The following CSMD1 variants were observed in gnomAD, a reference collection of about 807,000 sequenced individuals.
The protein encoded by CSMD1 is CUB and sushi domain-containing protein 1.
Under a neutral mutation model 417.5 loss-of-function variants are expected in CSMD1, and 213 were observed. The observed-to-expected ratio is 0.51, with a 90% CI of 0.46 to 0.57. The LOEUF is 0.57. Ranked by LOEUF, CSMD1 falls within the 20% of genes least tolerant of loss-of-function variation. The pLI is 0.00. For synonymous variants in CSMD1, 2,862 were observed against 1,736.8 expected (o/e 1.65, Z -16.11); for missense variants, 6,923 against 4,529.7 (o/e 1.53, Z -15.17).
chr8:3,736,644 G>A (rs1796534057), intron 6 of CSMD1, among the ~76,000 whole-genome samples: 1 of 152,150 alleles, frequency 6.6e-6, no homozygotes, highest in South Asian at 2.1e-4. Context: ...CATGCCCCAG[G>A]TCTTCCATCA....
chr8:4,306,668 T>C (rs4875321), intron 3 of CSMD1, among the ~76,000 whole-genome samples: 21,833 of 152,004 alleles, frequency 0.14, 1,585 homozygotes, highest in Non-Finnish European at 0.16. Context: ...ATGTAGGTGA[T>C]TGTACAATTC....
intron 1 of CSMD1, among the ~76,000 whole-genome samples, chr8:4,776,248 A>G (rs569824699): frequency 6.6e-6 from 1 of 152,290 alleles, no homozygotes; most frequent in African/African-American, 2.4e-5. Flanking sequence ...AGAAACATGG[A>G]GTTCATTTCA....
At chr8:4,308,328 G>C (rs990328175) in intron 3 of CSMD1, among the ~76,000 whole-genome samples, 2 of 151,908 alleles carry the variant, frequency 1.3e-5, no homozygotes, top group African/African-American at 4.8e-5. Flanking sequence ...GGTGTATCTG[G>C]TGTGTATCGT....
chr8:3,303,791 A>G (rs1302386254), intron 25 of CSMD1, among the ~76,000 whole-genome samples: 1 of 152,204 alleles, frequency 6.6e-6, no homozygotes, highest in Non-Finnish European at 1.5e-5. Context: ...ATATTACCAA[A>G]TAACTTTCAA....
intron 11 of CSMD1, among the ~76,000 whole-genome samples, chr8:3,488,025 A>G (rs1405536962): frequency 1.3e-5 from 2 of 150,602 alleles, no homozygotes; most frequent in Non-Finnish European, 3.0e-5. Flanking sequence ...ATCAAAATAT[A>G]CTTAGAAGAG....
intron 3 of CSMD1, among the ~76,000 whole-genome samples, chr8:4,183,537 A>G (rs528561542): frequency 3.7e-4 from 56 of 152,320 alleles, no homozygotes; most frequent in Non-Finnish European, 6.5e-4. Context: ...TTTATTTGTA[A>G]TATGATAAGT....
intron 28 of CSMD1, among the ~76,000 whole-genome samples, chr8:3,220,344 G>C (rs1585694917): frequency 6.6e-6 from 1 of 151,806 alleles, no homozygotes; most frequent in Non-Finnish European, 1.5e-5. Context: ...TTAACATACA[G>C]TCAGTCCCCA....
At chr8:3,325,938 A>G (rs1393747604) in intron 23 of CSMD1, among the ~76,000 whole-genome samples, 2 of 152,264 alleles carry the variant, frequency 1.3e-5, no homozygotes, top group African/African-American at 2.4e-5. Flanking sequence ...TGCAAATAAG[A>G]AAAAATAATT....
intron 1 of CSMD1, among the ~76,000 whole-genome samples, chr8:4,639,868 A>G (rs944629831): frequency 6.6e-6 from 1 of 152,228 alleles, no homozygotes; most frequent in Non-Finnish European, 1.5e-5. Context: ...GAACTAATAA[A>G]AAGCCCATTT....
At chr8:4,183,168 G>C (rs754505379) in intron 3 of CSMD1, among the ~76,000 whole-genome samples, 1 of 152,136 alleles carries the variant, frequency 6.6e-6, no homozygotes, top group South Asian at 2.1e-4. Context: ...CGTAAGTGCA[G>C]TATAGCCCTA....
chr8:4,801,081 T>G (rs1015325175), intron 1 of CSMD1, among the ~76,000 whole-genome samples: 2 of 152,190 alleles, frequency 1.3e-5, no homozygotes, highest in African/African-American at 4.8e-5. Flanking sequence ...AGATCTGAAA[T>G]GATAAATTCA....
At chr8:4,771,298 T>A (rs1796584117) in intron 1 of CSMD1, among the ~76,000 whole-genome samples, 1 of 152,208 alleles carries the variant, frequency 6.6e-6, no homozygotes, top group South Asian at 2.1e-4. Context: ...CTACCATATC[T>A]AATTGTATTA....
At chr8:4,102,574 G>GC (rs78669287) in intron 3 of CSMD1, among the ~76,000 whole-genome samples, 14,458 of 152,168 alleles carry the variant, frequency 0.095, 785 homozygotes, top group Middle Eastern at 0.19. Context: ...TGACTCCCAG[G>GC]CTGAAATAAT....
chr8:3,348,876 C>A (rs1471798920), intron 21 of CSMD1, among the ~76,000 whole-genome samples: 2 of 152,144 alleles, frequency 1.3e-5, no homozygotes, highest in African/African-American at 4.8e-5. Flanking sequence ...GTCACTTAAC[C>A]TTTCAGCACC....
chr8:4,906,104 C>T (rs910374850), intron 1 of CSMD1, among the ~76,000 whole-genome samples: 4 of 152,096 alleles, frequency 2.6e-5, no homozygotes, highest in Non-Finnish European at 4.4e-5. Context: ...TCAAATTATC[C>T]TTGTATGATA....
chr8:4,328,996 C>G (rs1159198826), intron 3 of CSMD1, among the ~76,000 whole-genome samples: 3 of 152,174 alleles, frequency 2.0e-5, no homozygotes, highest in South Asian at 2.1e-4. Flanking sequence ...TTTGTGTTTA[C>G]TATTCCTCTT....
At chr8:3,775,230 C>G (rs1798834885) in intron 5 of CSMD1, among the ~76,000 whole-genome samples, 1 of 152,110 alleles carries the variant, frequency 6.6e-6, no homozygotes, top group Non-Finnish European at 1.5e-5. Flanking sequence ...CTTTGCAAAA[C>G]AAGTTAGAAA....
rs1287712693 is a variant in CSMD1 at position 3,815,605 on chromosome 8, T to G, written c.819-61563A>C. 3.4e-5 allele frequency among the ~76,000 whole-genome samples: 5 copies of G among 146,412 alleles called. No individual in the cohort carries two copies. The East Asian group carries it at 1.0e-3, about 29-fold the overall frequency. ...CATAAAAATTAATATGACTTAAAAA[T>G]GTCTATCACTGCTAGACTTTCTTTT... On this transcript the variant is annotated intron_variant, in intron 5 of 69. Coordinates refer to ENST00000635120, the MANE Select transcript of CSMD1 (RefSeq NM_033225.6).
In CSMD1 at chr8:4,714,006, A is replaced by G. The variant is rs150641976; in HGVS notation, c.86-76448T>C. On this transcript the variant is annotated intron_variant, in intron 1 of 69. Coordinates refer to ENST00000635120, the MANE Select transcript of CSMD1 (RefSeq NM_033225.6). Reference sequence around the variant, plus strand: ...CTAAAACTACAAAAATTAGCCAAGCATGGTGGCAGGTGCCTGTAATCCCAG... The same window carrying G: ...CTAAAACTACAAAAATTAGCCAAGCGTGGTGGCAGGTGCCTGTAATCCCAG... Among the ~76,000 whole-genome samples, 772 of 152,140 alleles carry G rather than the reference A, an allele frequency of 5.1e-3. 13 individuals are homozygous for G. The highest frequency in any genetic ancestry group is 0.018 in the African/African-American group (744 of 41,518).
Sources: allele counts gnomAD v4.1 joint callset (sites outside exome capture counted in the v4.1 genomes callset), GRCh38; gene constraint gnomAD v4.1.1; transcripts MANE v1.5; gene names NCBI Gene and HGNC (gene_info 2026-07-23, HGNC 2026-07-21).